Variants in MED17 observed in about 807,000 individuals in gnomAD.
The protein encoded by MED17 is mediator complex subunit 17.
A neutral mutation model predicts 80.8 loss-of-function variants in MED17; 49 were observed. The ratio of observed to expected loss-of-function variants is 0.61; its 90% CI spans 0.48 to 0.77. MED17 has a LOEUF of 0.77. Ranked by LOEUF, MED17 falls within the 30% of genes least tolerant of loss-of-function variation. The pLI is 0.00. For missense variants in MED17, 718 were observed against 787.0 expected, an observed-to-expected ratio of 0.91 and a Z score of 1.05; for synonymous variants, 281 against 280.4, an observed-to-expected ratio of 1.00 and a Z score of -0.02.
chr11:93,804,023 A>ATATATG (rs1943997199), intron 9 of MED17, among the ~76,000 whole-genome samples: 1 of 8,862 alleles, frequency 1.1e-4, no homozygotes, highest in African/African-American at 1.8e-4. Context: ...ATATATATAT[A>ATATATG]TATACACACA....
At chr11:93,785,930 T>C (rs1943764806) in intron 1 of MED17, among the ~76,000 whole-genome samples, 1 of 152,124 alleles carries the variant, frequency 6.6e-6, no homozygotes, top group Non-Finnish European at 1.5e-5. Context: ...ATTCAGCCAG[T>C]GAGATCAAGG....
intron 5 of MED17, 71 bp from the exon 6 acceptor site, chr11:93,794,837 C>T (rs1288762374): frequency 1.3e-6 from 2 of 1,485,426 alleles, no homozygotes; most frequent in African/African-American, 2.8e-5. Context: ...CATATGTATT[C>T]AGATCACCAT....
intron 9 of MED17, among the ~76,000 whole-genome samples, chr11:93,804,752 A>G (rs1464387604): frequency 6.6e-6 from 1 of 152,220 alleles, no homozygotes; most frequent in Non-Finnish European, 1.5e-5. Flanking sequence ...CCTATGTTGT[A>G]TAACCATCAT....
chr11:93,790,624 A>T lies in MED17; in HGVS notation c.468A>T (p.Ala156=). 1 of 1,614,222 alleles carries T rather than the reference A, an allele frequency of 6.2e-7. No homozygotes were observed. The highest frequency in any genetic ancestry group is 8.5e-7 in the Non-Finnish European group (1 of 1,180,044). ...LISKKKSLAG[A]AQILLKGAER... is the part of the protein sequence containing the mutation. Reference sequence around the variant, plus strand: ...CTAAAAAGAAGTCACTTGCTGGAGCAGCACAAATCTTATTGAAGGGGGCAG... The same window carrying T: ...CTAAAAAGAAGTCACTTGCTGGAGCTGCACAAATCTTATTGAAGGGGGCAG... The change falls in exon 3 of 12, where the codon GCA becomes GCT. Residue 156 remains alanine (A), a synonymous_variant. Coordinates refer to ENST00000251871, the MANE Select transcript of MED17 (RefSeq NM_004268.5).
chr11:93,795,258 G>A lies in MED17; in HGVS notation c.1012+198G>A, dbSNP rs192652777. The A allele has an allele frequency of 1.0e-3, 667 of 668,072 alleles. 3 individuals carry two copies. The African/African-American group carries it at 1.0e-2, about 10-fold the overall frequency. 41.4% of individuals were successfully genotyped at this position (668,072 alleles called of 1,614,324 possible). On this transcript the variant is annotated intron_variant, in intron 6 of 11. Coordinates refer to ENST00000251871, the MANE Select transcript of MED17 (RefSeq NM_004268.5). ...TCTGTCCTAAATAGTGTGACCCTTG[G>A]ATTTTTAAGCTACATATTAAAAATT...
rs777520439 is a variant in MED17 at position 93,797,583 on chromosome 11, G to A, written c.1192G>A (p.Ala398Thr). ...CATCATGATGCCTCATCCAGCAAGT[G>A]CACCTTTTGGCCACAAGAGAATGAG... is the stretch of plus-strand genomic sequence containing the variant. ...SSIMMPHPAS[A>T]PFGHKRMRLS... The change falls in exon 8 of 12, where the codon GCA becomes ACA. Residue 398 changes from alanine to threonine, a missense_variant. Ala to Thr is a moderately conservative substitution (Grantham distance 58, BLOSUM62 0). Transcript: ENST00000251871. 2.5e-6 allele frequency: 4 copies of A among 1,614,138 alleles called. No individual in the cohort carries two copies. Among genetic ancestry groups the A allele is most frequent in the East Asian group, 4.5e-5 (2 of 44,874 alleles).
At chr11:93,802,695 A>G (rs186939682) in intron 9 of MED17, among the ~76,000 whole-genome samples, 1 of 152,248 alleles carries the variant, frequency 6.6e-6, no homozygotes, top group Admixed American at 6.5e-5. Context: ...TTATGCCTAA[A>G]ATAACCCAAG....
intron 11 of MED17, chr11:93,810,940 G>A (rs1057290029): frequency 6.6e-6 from 1 of 152,212 alleles, no homozygotes; most frequent in African/African-American, 2.4e-5. Flanking sequence ...AGCCCTAGAT[G>A]GTACAGCCTA....
intron 9 of MED17, among the ~76,000 whole-genome samples, chr11:93,805,470 A>G (rs1423356685): frequency 1.3e-5 from 2 of 152,136 alleles, no homozygotes; most frequent in East Asian, 3.9e-4. Flanking sequence ...AGTCCCAGCT[A>G]CTTGGGAGAC....
intron 9 of MED17, chr11:93,807,258 C>T (rs1944035554): frequency 5.3e-6 from 2 of 375,504 alleles, no homozygotes; most frequent in Non-Finnish European, 9.8e-6. Flanking sequence ...CTAAAAATAA[C>T]AAAAATTAGC....
In MED17 at chr11:93,795,333, A is replaced by G. The variant is rs76947348; in HGVS notation, c.1012+273A>G. 144 of 477,332 alleles carry G rather than the reference A, an allele frequency of 3.0e-4. 2 individuals carry two copies. In the East Asian group the frequency reaches 5.7e-3, roughly 19 times the overall value. 29.6% of individuals were successfully genotyped at this position (477,332 alleles called of 1,614,324 possible). A position where few individuals can be genotyped will look rare whatever the true frequency, so the allele number is the denominator to read the frequency against. On this transcript the variant is annotated intron_variant, in intron 6 of 11. Transcript: ENST00000251871. ...GTCAAGAGAAAAGAAAATTTGCACT[A>G]GCATAGCTATAGTTATTTAGCAACA...
At position 93,788,091 on chromosome 11, in the gene MED17, ATGT is replaced by A; in HGVS notation, c.343_345del (p.Val115del). Reference sequence around the variant, plus strand: ...CTGACAGAGATGTGTGTTCTCTATGATGTTCTCAGTATTGTTAGGGATAAAAAA... The same window carrying A: ...CTGACAGAGATGTGTGTTCTCTATGATCTCAGTATTGTTAGGGATAAAAAA... On this transcript the variant is annotated inframe_deletion, in exon 2 of 12. Coordinates refer to ENST00000251871, the MANE Select transcript of MED17 (RefSeq NM_004268.5). 6.2e-7 allele frequency: 1 copy of A among 1,613,654 alleles called. No homozygotes were observed. Among genetic ancestry groups the A allele is most frequent in the Admixed American group, 1.7e-5 (1 of 60,014 alleles).
chr11:93,796,500 T>C lies in MED17; in HGVS notation c.1103T>C (p.Leu368Pro), dbSNP rs764528038. 6.2e-7 allele frequency: 1 copy of C among 1,614,084 alleles called. No individual in the cohort carries two copies. The highest frequency in any genetic ancestry group is 1.7e-5 in the Admixed American group (1 of 60,030). Residue 368 changes from leucine (L) to proline (P), a missense_variant, in exon 7 of 12, where the codon CTT becomes CCT. Physicochemically the swap from Leu to Pro is moderately conservative, Grantham distance 98. Transcript: ENST00000251871. The part of the protein sequence containing the change: ...ATEKQCPEDH[L>P]YVLEHNLHLL... The stretch of plus-strand genomic sequence containing the variant: ...GAGAAGCAATGTCCGGAGGACCACC[T>C]TTATGTCCTAGAGCATAATTTGCAT...
intron 9 of MED17, chr11:93,806,849 A>C (rs1944030471): frequency 6.6e-6 from 1 of 152,234 alleles, no homozygotes; most frequent in Non-Finnish European, 1.5e-5. Context: ...TGGCTTGTGG[A>C]AACCATGCCT....
At chr11:93,797,229 A>G (rs1221718279) in intron 7 of MED17, 1 of 326,420 alleles carries the variant, frequency 3.1e-6, no homozygotes, top group Non-Finnish European at 5.7e-6. Context: ...TTGTGGTTCA[A>G]AAGCATGATT....
chr11:93,787,767 T>G (rs1943785469), intron 1 of MED17, among the ~76,000 whole-genome samples: 1 of 152,224 alleles, frequency 6.6e-6, no homozygotes, highest in Admixed American at 6.5e-5. Context: ...AATGTTGTAA[T>G]GATAAATTTA....
intron 10 of MED17, chr11:93,808,369 TAAAAAAAAAAAAA>T (rs137922903): frequency 9.3e-6 from 1 of 107,722 alleles, no homozygotes; most frequent in Non-Finnish European, 1.8e-5. Flanking sequence ...CATCTCTTTT[TAAAAAAAAAAAAA>T]AAAAAAAAAA....
chr11:93,784,988 A>G (rs772762930), intron 1 of MED17: 23 of 636,326 alleles, frequency 3.6e-5, no homozygotes, highest in Middle Eastern at 4.3e-4. Flanking sequence ...GGCAGCGTTT[A>G]GAGACACTGT....
Position 93,811,892 on chromosome 11 carries a change from A to G in MED17, c.1784A>G (p.Gln595Arg), listed in dbSNP as rs1944088696. ...GPESGSKIMV[Q>R]FPRNQCKDLP... ...GAAAGTGGCAGCAAGATTATGGTTC[A>G]GTTTCCTCGTAACCAATGTAAAGAC... Residue 595 changes from glutamine (Q) to arginine (R), a missense_variant, in exon 12 of 12, where the codon CAG (glutamine) becomes CGG (arginine). Coordinates refer to ENST00000251871, the MANE Select transcript of MED17 (RefSeq NM_004268.5). 3 of 1,614,098 alleles carry G rather than the reference A, an allele frequency of 1.9e-6. No homozygotes were observed. The highest frequency in any genetic ancestry group is 2.5e-6 in the Non-Finnish European group (3 of 1,179,988).
Sources: allele counts gnomAD v4.1 joint callset (sites outside exome capture counted in the v4.1 genomes callset), GRCh38; gene constraint gnomAD v4.1.1; transcripts MANE v1.5; gene names NCBI Gene and HGNC (gene_info 2026-07-23, HGNC 2026-07-21).